Variants in ELOVL5 observed in about 807,000 individuals in gnomAD.
ELOVL5 encodes ELOVL fatty acid elongase 5, also known as very long chain fatty acid elongase 5.
A neutral mutation model predicts 38.6 loss-of-function variants in ELOVL5; 8 were observed. That is an observed-to-expected ratio of 0.21 (90% CI 0.12 to 0.37). The LOEUF (loss-of-function observed/expected upper bound fraction) is 0.37, where lower values mean the gene tolerates loss of function less well. Ranked by LOEUF, ELOVL5 falls within the 10% of genes least tolerant of loss-of-function variation. The probability of loss-of-function intolerance (pLI) is 1.00; values close to 1 mark genes in which losing one functional copy is unlikely to be tolerated. For synonymous variants in ELOVL5, 127 were observed against 133.7 expected (o/e 0.95, Z 0.34); for missense variants, 280 against 367.8 (o/e 0.76, Z 1.95).
At chr6:53,306,587 T>C (rs969405028) in intron 1 of ELOVL5, among the ~76,000 whole-genome samples, 9 of 152,154 alleles carry the variant, frequency 5.9e-5, no homozygotes, top group Admixed American at 4.6e-4. Context: ...AGGGGAATTC[T>C]TATTCACAGC....
Position 53,276,187 on chromosome 6 carries a change from C to G in ELOVL5, c.316G>C (p.Asp106His), listed in dbSNP as rs1451832393. Residue 106 changes from aspartate (D) to histidine (H), a missense_variant, in exon 4 of 8, where the codon GAT (aspartate) becomes CAT (histidine). Around this residue, in one of 3 missense-constraint regions of ELOVL5, gnomAD observed 150 missense variants for 178.0 expected, o/e 0.84. Transcript: ENST00000304434. The stretch of plus-strand genomic sequence containing the variant: ...TGAAAAAGAGACAGTACCTTCATAT[C>G]TGATTCTCCTGCGGTGCGTGTGCCC... Reference protein sequence around the residue: ...CQGTRTAGESDMKIIRVLWWY... With the variant: ...CQGTRTAGESHMKIIRVLWWY... 1 of 1,609,606 alleles carries G rather than the reference C, an allele frequency of 6.2e-7. No homozygotes were observed. Among genetic ancestry groups the G allele is most frequent in the Admixed American group, 1.7e-5 (1 of 59,976 alleles).
chr6:53,275,094 G>A lies in ELOVL5; in HGVS notation c.492C>T (p.Gly164=), dbSNP rs754047690. 1.2e-6 allele frequency: 2 copies of A among 1,613,840 alleles called. No individual in the cohort carries two copies. The highest frequency in any genetic ancestry group is 1.7e-6 in the Non-Finnish European group (2 of 1,179,934). The change falls in exon 5 of 8, where the codon GGC becomes GGT. Residue 164 remains glycine, a synonymous_variant. Coordinates refer to ENST00000304434, the MANE Select transcript of ELOVL5 (RefSeq NM_021814.5). ...GTCCCCGTCTCTAATACTTACAGTG[G>A]CCGCAGGGGACCCAGTTCATCACAA... ...WWFVMNWVPC[G]HSYFGATLNS...
chr6:53,270,644 C>T lies in ELOVL5; in HGVS notation c.705G>A (p.Gln235=). The change falls in exon 7 of 8, where the codon CAG becomes CAA. Residue 235 remains glutamine (Q), a synonymous_variant. Transcript: ENST00000304434. The stretch of plus-strand genomic sequence containing the variant: ...CAATCAGGGAAATCATGTATCCAAT[C>T]TGGAAATACAACCAACCAAGAGGGA... ...CTFPLGWLYF[Q]IGYMISLIAL... 6.2e-7 allele frequency: 1 copy of T among 1,614,162 alleles called. No homozygotes were observed. The highest frequency in any genetic ancestry group is 8.5e-7 in the Non-Finnish European group (1 of 1,179,996).
intron 1 of ELOVL5, among the ~76,000 whole-genome samples, chr6:53,341,971 G>A (rs1052939158): frequency 6.6e-6 from 1 of 152,172 alleles, no homozygotes; most frequent in Non-Finnish European, 1.5e-5. Flanking sequence ...AGCCCACGCA[G>A]CTGTTAAGTG....
intron 1 of ELOVL5, among the ~76,000 whole-genome samples, chr6:53,332,164 G>C (rs1768832617): frequency 6.6e-6 from 1 of 152,152 alleles, no homozygotes; most frequent in South Asian, 2.1e-4. Flanking sequence ...CATGAGATTT[G>C]GAGGGGACAA....
chr6:53,332,878 C>CT (rs2127592009), intron 1 of ELOVL5, among the ~76,000 whole-genome samples: 1 of 152,358 alleles, frequency 6.6e-6, no homozygotes, highest in East Asian at 1.9e-4. Flanking sequence ...AAGGGTACAG[C>CT]TACAGGGTGG....
intron 1 of ELOVL5, among the ~76,000 whole-genome samples, chr6:53,337,699 A>G (rs1019871391): frequency 6.6e-6 from 1 of 152,242 alleles, no homozygotes; most frequent in Non-Finnish European, 1.5e-5. Flanking sequence ...GGCAGACACT[A>G]TGCAAAGCAC....
At chr6:53,292,030 T>C in intron 2 of ELOVL5, 67 bp from the exon 3 acceptor site, 1 of 1,082,426 alleles carries the variant, frequency 9.2e-7, no homozygotes, top group Non-Finnish European at 1.3e-6. Flanking sequence ...TGAAAAAATT[T>C]CTCTAACCAT....
intron 1 of ELOVL5, among the ~76,000 whole-genome samples, chr6:53,336,219 C>T (rs925214487): frequency 1.3e-5 from 2 of 152,066 alleles, no homozygotes; most frequent in Non-Finnish European, 2.9e-5. Context: ...TTAGCAGAGG[C>T]TAACACAGAC....
At chr6:53,311,073 C>T (rs899659286) in intron 1 of ELOVL5, among the ~76,000 whole-genome samples, 1 of 152,174 alleles carries the variant, frequency 6.6e-6, no homozygotes, top group Non-Finnish European at 1.5e-5. Flanking sequence ...TGACAGGTGA[C>T]TGGGTGGGCT....
intron 1 of ELOVL5, among the ~76,000 whole-genome samples, chr6:53,300,823 C>T (rs966923364): frequency 5.3e-5 from 8 of 152,210 alleles, no homozygotes; most frequent in East Asian, 3.8e-4. Flanking sequence ...TTGTGGCCAA[C>T]GGGCTAGGAA....
At chr6:53,271,861 C>CTCAAA (rs1297253777) in intron 6 of ELOVL5, among the ~76,000 whole-genome samples, 1 of 152,178 alleles carries the variant, frequency 6.6e-6, no homozygotes, top group Non-Finnish European at 1.5e-5. Flanking sequence ...AATCTTCCAC[C>CTCAAA]TCAAAGTACA....
intron 1 of ELOVL5, among the ~76,000 whole-genome samples, chr6:53,334,705 G>T (rs1362555070): frequency 2.6e-5 from 4 of 152,066 alleles, no homozygotes. Flanking sequence ...ACAGATGGTG[G>T]TCCTGAATCT....
At chr6:53,278,008 C>T (rs1379130208) in intron 3 of ELOVL5, among the ~76,000 whole-genome samples, 2 of 152,194 alleles carry the variant, frequency 1.3e-5, no homozygotes, top group Non-Finnish European at 2.9e-5. Flanking sequence ...GTAAGGTTTT[C>T]ATGAAGATAA....
At chr6:53,305,353 A>T (rs1767463840) in intron 1 of ELOVL5, among the ~76,000 whole-genome samples, 1 of 115,860 alleles carries the variant, frequency 8.6e-6, no homozygotes, top group African/African-American at 4.2e-5. Context: ...TCCCTCCCGG[A>T]CGGGGCGGCT....
chr6:53,292,692 G>A (rs1934496469), intron 2 of ELOVL5, among the ~76,000 whole-genome samples: 1 of 152,240 alleles, frequency 6.6e-6, no homozygotes, highest in South Asian at 2.1e-4. Flanking sequence ...TTGGGAGGCT[G>A]AGGTGGGAGA....
At chr6:53,274,892 A>C (rs887710928) in intron 5 of ELOVL5, among the ~76,000 whole-genome samples, 198 bp downstream of exon 5, 7 of 152,220 alleles carry the variant, frequency 4.6e-5, no homozygotes, top group African/African-American at 1.7e-4. Flanking sequence ...CATCTCACCC[A>C]ATCAGCACAG....
intron 1 of ELOVL5, chr6:53,337,398 T>G (rs1418358124): frequency 6.6e-6 from 1 of 152,190 alleles, no homozygotes; most frequent in Non-Finnish European, 1.5e-5. Flanking sequence ...AGCTCCTCAT[T>G]GCACCATGCC....
At position 53,324,679 on chromosome 6, in the gene ELOVL5, A is replaced by AAAAAAG. The variant is rs1164027033; in HGVS notation, c.-9+24137_-9+24138insCTTTTT. Among the ~76,000 whole-genome samples, 58 of 149,388 alleles carry AAAAAAG rather than the reference A, an allele frequency of 3.9e-4. 4 individuals carry two copies. The highest frequency in any genetic ancestry group is 1.3e-3 in the African/African-American group (54 of 40,056). On this transcript the variant is annotated intron_variant, in intron 1 of 7. Coordinates refer to ENST00000304434, the MANE Select transcript of ELOVL5 (RefSeq NM_021814.5). Reference sequence around the variant, plus strand: ...ACAAGAGGGAGATCCTGTCAAAAAAAAAAAAAAAAAAAGGAAAAGAAATAG... The same window carrying AAAAAAG: ...ACAAGAGGGAGATCCTGTCAAAAAAAAAAAAGAAAAAAAAAAAAGGAAAAGAAATAG...
Sources: gnomAD v4.1 joint callset for allele counts (sites outside exome capture counted in the v4.1 genomes callset) on GRCh38, gnomAD v4.1.1 for gene constraint, gnomAD v4.1.1 regional missense constraint, MANE v1.5 for transcripts, NCBI Gene and HGNC (gene_info 2026-07-23, HGNC 2026-07-21) for gene names.